Variants in MVB12B observed in about 807,000 individuals in gnomAD.
MVB12B encodes ESCRT-I complex subunit MVB12B.
In MVB12B, 16 loss-of-function variants were observed where a neutral mutation model predicts 41.6. That is an observed-to-expected ratio of 0.38 (90% CI 0.26 to 0.58). The LOEUF (loss-of-function observed/expected upper bound fraction) is 0.58, where lower values mean the gene tolerates loss of function less well. Among genes scored for constraint, MVB12B ranks in the 20% least tolerant of loss-of-function variants. The pLI is 0.62. For missense variants in MVB12B, 274 were observed against 380.2 expected (o/e 0.72, Z 2.32); for synonymous variants, 133 against 139.7 (o/e 0.95, Z 0.34).
chr9:126,487,328 C>T (rs1190782032), intron 9 of MVB12B, among the ~76,000 whole-genome samples: 2 of 152,224 alleles, frequency 1.3e-5, no homozygotes, highest in Admixed American at 6.5e-5. Flanking sequence ...TACCGTTCTC[C>T]TTGTCCACAG....
At chr9:126,483,625 T>C (rs1323671503) in intron 8 of MVB12B, among the ~76,000 whole-genome samples, 5 of 152,184 alleles carry the variant, frequency 3.3e-5, no homozygotes, top group Non-Finnish European at 7.3e-5. Flanking sequence ...AAACCTTGCC[T>C]GCGTGTTCTG....
At chr9:126,398,060 C>T (rs962153025) in intron 6 of MVB12B, among the ~76,000 whole-genome samples, 1 of 152,104 alleles carries the variant, frequency 6.6e-6, no homozygotes, top group Non-Finnish European at 1.5e-5. Context: ...CGCTGGCAGC[C>T]TCCTCCTCCC....
At chr9:126,439,898 A>G (rs1343334666) in intron 7 of MVB12B, among the ~76,000 whole-genome samples, 2 of 152,234 alleles carry the variant, frequency 1.3e-5, no homozygotes, top group African/African-American at 4.8e-5. Flanking sequence ...TAAGACTTGC[A>G]TATAATGTAT....
At position 126,504,077 on chromosome 9, in the gene MVB12B, G is replaced by A. The variant is rs1188722581; in HGVS notation, c.*814G>A. The A allele has an allele frequency of 6.6e-6, 1 of 152,350 alleles. No homozygotes were observed. Among genetic ancestry groups the A allele is most frequent in the African/African-American group, 2.4e-5 (1 of 41,448 alleles). The allele number at this position is 152,350 out of a possible 1,614,324, so 9.4% of individuals were successfully genotyped here. A position where few individuals can be genotyped will look rare whatever the true frequency, so the allele number is the denominator to read the frequency against. Reference sequence around the variant, plus strand: ...CCTCAGCCCCGTGCCCTGACCCGGGGACCACAGGGACACCCTCTGAGACGT... The same window carrying A: ...CCTCAGCCCCGTGCCCTGACCCGGGAACCACAGGGACACCCTCTGAGACGT... On this transcript the variant is annotated 3_prime_UTR_variant, in exon 10 of 10. Coordinates refer to ENST00000361171, the MANE Select transcript of MVB12B (RefSeq NM_033446.3).
chr9:126,360,140 A>C (rs1829990004), intron 2 of MVB12B, among the ~76,000 whole-genome samples: 1 of 152,196 alleles, frequency 6.6e-6, no homozygotes, highest in African/African-American at 2.4e-5. Flanking sequence ...AATTCCATTC[A>C]CAATGCTATC....
intron 7 of MVB12B, among the ~76,000 whole-genome samples, chr9:126,428,165 C>G (rs1373630229): frequency 6.6e-6 from 1 of 152,016 alleles, no homozygotes; most frequent in East Asian, 1.9e-4. Context: ...TAACTCAGAA[C>G]CGTGGGTGAG....
Position 126,391,287 on chromosome 9 carries a change from C to CTGT in MVB12B, c.410-777_410-775dup, listed in dbSNP as rs1375678187. 6.6e-6 allele frequency among the ~76,000 whole-genome samples: 1 copy of CTGT among 152,214 alleles called. No homozygotes were observed. The highest frequency in any genetic ancestry group is 1.5e-5 in the Non-Finnish European group (1 of 68,044). On this transcript the variant is annotated intron_variant, in intron 4 of 9. Transcript: ENST00000361171. The surrounding 1 kb of genome is among the most constrained non-coding windows in gnomAD (Gnocchi z 4.4). ...AGGGGAGTGACCCGATTTCTCCAACCTGTTAGTGCCCTGAAGAAAAGGGAA... is the reference window on the plus strand; with the variant it reads ...AGGGGAGTGACCCGATTTCTCCAACCTGTTGTTAGTGCCCTGAAGAAAAGGGAA...
chr9:126,473,772 G>C lies in MVB12B; in HGVS notation c.758-7597G>C, dbSNP rs1261238727. ...TCCCGCCGGGCCCCCTCCAATACCG[G>C]GGATTACAATTGAACATGAGATTTG... is the stretch of plus-strand genomic sequence containing the variant. On this transcript the variant is annotated intron_variant, in intron 7 of 9. Transcript: ENST00000361171. This position sits in a 1 kb window ranked among gnomAD's most constrained non-coding sequence, Gnocchi z 4.0. 6.6e-6 allele frequency among the ~76,000 whole-genome samples: 1 copy of C among 152,318 alleles called. No individual in the cohort carries two copies. The highest frequency in any genetic ancestry group is 1.9e-4 in the East Asian group (1 of 5,184).
At chr9:126,364,049 C>A (rs930767870) in intron 2 of MVB12B, among the ~76,000 whole-genome samples, 1 of 152,170 alleles carries the variant, frequency 6.6e-6, no homozygotes, top group East Asian at 1.9e-4. Context: ...CACACATTCT[C>A]CACCAGCACA....
intron 7 of MVB12B, among the ~76,000 whole-genome samples, chr9:126,423,032 A>G (rs1275335496): frequency 6.6e-6 from 1 of 152,014 alleles, no homozygotes; most frequent in Admixed American, 6.6e-5. Flanking sequence ...CTCCAGGGAG[A>G]ATTTCTTTTG....
intron 9 of MVB12B, among the ~76,000 whole-genome samples, chr9:126,495,191 CAAAA>C (rs5900709): frequency 2.3e-5 from 3 of 131,932 alleles, no homozygotes; most frequent in African/African-American, 5.8e-5. Flanking sequence ...GATCCTGTCT[CAAAA>C]AAAAAAAAAA....
intron 6 of MVB12B, among the ~76,000 whole-genome samples, chr9:126,418,474 T>C (rs1831891572): frequency 6.6e-6 from 1 of 152,222 alleles, no homozygotes; most frequent in Non-Finnish European, 1.5e-5. Context: ...ACAAAGTAGA[T>C]AGTGAATAAT....
intron 2 of MVB12B, among the ~76,000 whole-genome samples, chr9:126,341,528 A>G (rs1468775173): frequency 6.6e-6 from 1 of 152,212 alleles, no homozygotes; most frequent in African/African-American, 2.4e-5. Flanking sequence ...GCCAACACTG[A>G]AAACCTCCCA....
At chr9:126,362,799 A>G (rs866145401) in intron 2 of MVB12B, among the ~76,000 whole-genome samples, 4 of 152,216 alleles carry the variant, frequency 2.6e-5, no homozygotes, top group South Asian at 2.1e-4. Context: ...CAGTTTTACA[A>G]TTGACCTTGC....
rs530518915 is a variant in MVB12B at position 126,471,368 on chromosome 9, C to T, written c.758-10001C>T. 2.8e-4 allele frequency among the ~76,000 whole-genome samples: 43 copies of T among 152,316 alleles called. 2 individuals are homozygous for T. The highest frequency in any genetic ancestry group is 6.8e-3 in the Middle Eastern group (2 of 294). ...CTCGGCGTTCACACGTGTCTGACTC[C>T]GGCGCCTGTGCTCCGTCCTCCCGTG... On this transcript the variant is annotated intron_variant, in intron 7 of 9. Coordinates refer to ENST00000361171, the MANE Select transcript of MVB12B (RefSeq NM_033446.3).
chr9:126,377,912 C>T (rs549863943), intron 2 of MVB12B, among the ~76,000 whole-genome samples: 4 of 152,342 alleles, frequency 2.6e-5, no homozygotes, highest in African/African-American at 7.2e-5. Context: ...TAGAAACATT[C>T]GCGCTGTCTT....
intron 9 of MVB12B, among the ~76,000 whole-genome samples, chr9:126,497,543 C>T (rs1012556744): frequency 5.3e-5 from 8 of 152,182 alleles, no homozygotes; most frequent in Non-Finnish European, 2.9e-5. Flanking sequence ...GCTCCCCACT[C>T]CTGACCACAG....
chr9:126,461,431 T>C (rs747161993), intron 7 of MVB12B, among the ~76,000 whole-genome samples: 2 of 152,224 alleles, frequency 1.3e-5, no homozygotes, highest in Non-Finnish European at 2.9e-5. Context: ...CTGTGAGCCA[T>C]GTAGAAAAAT....
At chr9:126,403,211 C>A (rs142808756) in intron 6 of MVB12B, among the ~76,000 whole-genome samples, 1 of 152,232 alleles carries the variant, frequency 6.6e-6, no homozygotes, top group East Asian at 1.9e-4. Flanking sequence ...GACCGCCCCC[C>A]ACACATCCTC....
Sources: gnomAD v4.1 joint callset for allele counts (sites outside exome capture counted in the v4.1 genomes callset) on GRCh38, gnomAD v4.1.1 for gene constraint, Gnocchi (gnomAD v3.1) non-coding constraint, MANE v1.5 for transcripts, NCBI Gene and HGNC (gene_info 2026-07-23, HGNC 2026-07-21) for gene names.